Variants in HEATR5B observed in about 807,000 individuals in gnomAD.
HEATR5B encodes the protein HEAT repeat-containing protein 5B.
HEATR5B carries 156 observed loss-of-function variants against 224.1 expected under a neutral mutation model. That is an observed-to-expected ratio of 0.70 (90% CI 0.61 to 0.80). The LOEUF (loss-of-function observed/expected upper bound fraction) is 0.80. Among genes scored for constraint, HEATR5B ranks in the 30% least tolerant of loss-of-function variants. HEATR5B has a pLI of 0.00. For synonymous variants in HEATR5B, 1,027 were observed against 893.0 expected (o/e 1.15, Z -2.68); for missense variants, 2,323 against 2,535.5 (o/e 0.92, Z 1.80).
intron 24 of HEATR5B, among the ~76,000 whole-genome samples, chr2:37,021,767 G>C (rs1383299583): frequency 1.3e-5 from 2 of 151,728 alleles, no homozygotes; most frequent in Admixed American, 1.3e-4. Flanking sequence ...TGGACCTGTA[G>C]TCCCAGCTAC....
rs1004901956 is a variant in HEATR5B, at chr2:37,083,217, T to G, written c.126+72A>C. The G allele has an allele frequency of 4.5e-6, 7 of 1,545,352 alleles. No homozygotes were observed. In the South Asian group the frequency reaches 6.7e-5, roughly 15 times the overall value. The stretch of plus-strand genomic sequence containing the variant: ...CATAAACCTTCCAAAACATAACATG[T>G]GTTTTCTTAAGAATCATGACCACAT... On this transcript the variant is annotated intron_variant, in intron 2 of 35. Coordinates refer to ENST00000233099, the MANE Select transcript of HEATR5B (RefSeq NM_019024.3).
intron 33 of HEATR5B, among the ~76,000 whole-genome samples, chr2:36,995,639 T>C (rs1034140322): frequency 6.6e-6 from 1 of 152,158 alleles, no homozygotes; most frequent in East Asian, 1.9e-4. Context: ...CACCCAGTAA[T>C]AGTTTAAAAA....
At position 37,058,426 on chromosome 2, in the gene HEATR5B, C is replaced by T. The variant is rs372234636; in HGVS notation, c.2059+25G>A. ...AAGAATTGTAAAGAAAAATTTTTAT[C>T]AGATACCACAAATTTTTAATTTACC... On this transcript the variant is annotated intron_variant, in intron 14 of 35. Coordinates refer to ENST00000233099, the MANE Select transcript of HEATR5B (RefSeq NM_019024.3). 52 of 1,374,650 alleles carry T rather than the reference C, an allele frequency of 3.8e-5. No individual in the cohort carries two copies. In the African/African-American group the frequency reaches 6.3e-4, roughly 17 times the overall value. 85.2% of individuals were successfully genotyped at this position (1,374,650 alleles called of 1,614,324 possible). A position where few individuals can be genotyped will look rare whatever the true frequency, so the allele number is the denominator to read the frequency against.
rs368984392 is a variant in HEATR5B, at chr2:37,058,607, T to C, written c.1950-47A>G. The C allele has an allele frequency of 3.2e-5, 42 of 1,311,144 alleles. No individual in the cohort carries two copies. The African/African-American group carries it at 3.7e-4, about 11-fold the overall frequency. 81.2% of individuals were successfully genotyped at this position (1,311,144 alleles called of 1,614,324 possible). ...TGGTAATGGCTTACCAGAATAAGTA[T>C]TACTTATAAATTTTTTTAGCAATGT... is the stretch of plus-strand genomic sequence containing the variant. On this transcript the variant is annotated intron_variant, in intron 13 of 35. Coordinates refer to ENST00000233099, the MANE Select transcript of HEATR5B (RefSeq NM_019024.3).
chr2:37,004,179 A>T (rs1667267621), intron 30 of HEATR5B, among the ~76,000 whole-genome samples: 1 of 151,918 alleles, frequency 6.6e-6, no homozygotes, highest in Non-Finnish European at 1.5e-5. Context: ...AATGAACCTA[A>T]ATGAAATTTC....
chr2:37,074,291 C>G (rs1439407220), intron 5 of HEATR5B, among the ~76,000 whole-genome samples: 2 of 149,202 alleles, frequency 1.3e-5, no homozygotes, highest in Non-Finnish European at 3.0e-5. Context: ...CCACTGCACT[C>G]CAGCCTGGGG....
At chr2:37,056,731 T>C in intron 15 of HEATR5B, 116 bp from the exon 16 acceptor site, 1 of 839,842 alleles carries the variant, frequency 1.2e-6, no homozygotes, top group South Asian at 2.3e-5. Flanking sequence ...AAAAAAAGAA[T>C]GATTGGATCC....
chr2:37,063,902 C>T (rs942533412), intron 10 of HEATR5B, among the ~76,000 whole-genome samples: 4 of 152,174 alleles, frequency 2.6e-5, no homozygotes, highest in Non-Finnish European at 4.4e-5. Flanking sequence ...ACCTCCGCCT[C>T]CTGGGTTCAA....
At chr2:37,033,939 T>C (rs1223798817) in intron 21 of HEATR5B, among the ~76,000 whole-genome samples, 2 of 152,154 alleles carry the variant, frequency 1.3e-5, no homozygotes, top group African/African-American at 2.4e-5. Flanking sequence ...TTATGTTCCA[T>C]CTGCTGCTTT....
chr2:36,988,972 G>T, intron 34 of HEATR5B, 113 bp from the exon 35 acceptor site: 1 of 725,516 alleles, frequency 1.4e-6, no homozygotes, highest in Non-Finnish European at 2.3e-6. Flanking sequence ...GACAAAAATG[G>T]AAATTACATT....
chr2:37,076,821 C>T, intron 4 of HEATR5B, 90 bp downstream of exon 4: 1 of 939,328 alleles, frequency 1.1e-6, no homozygotes, highest in Non-Finnish European at 1.7e-6. Flanking sequence ...TATGAGACCA[C>T]AGTGACAGAA....
intron 35 of HEATR5B, among the ~76,000 whole-genome samples, chr2:36,988,436 A>G (rs1666094443): frequency 6.6e-6 from 1 of 151,926 alleles, no homozygotes; most frequent in South Asian, 2.1e-4. Context: ...TAATTTTTGT[A>G]TTATTAGTAG....
Position 37,054,190 on chromosome 2 carries a change from C to CTTTTT in HEATR5B, c.2400-584_2400-583insAAAAA, listed in dbSNP as rs1242821499. ...TCCATGGCCATCTTAGATGATTTCT[C>CTTTTT]TGTTTTTTTTTTTTTTTTTTTGAGA... is the stretch of plus-strand genomic sequence containing the variant. On this transcript the variant is annotated intron_variant, in intron 16 of 35. Coordinates refer to ENST00000233099, the MANE Select transcript of HEATR5B (RefSeq NM_019024.3). Among the ~76,000 whole-genome samples the CTTTTT allele has an allele frequency of 7.5e-5, 7 of 93,712 alleles. 1 individual carries two copies. The highest frequency in any genetic ancestry group is 1.8e-4 in the African/African-American group (4 of 21,718). 61.5% of individuals were successfully genotyped at this position (93,712 alleles called of 152,430 possible).
Position 37,061,297 on chromosome 2 carries a change from G to A in HEATR5B, c.1697-564C>T, listed in dbSNP as rs537470742. 5.9e-5 allele frequency among the ~76,000 whole-genome samples: 9 copies of A among 152,190 alleles called. No individual in the cohort carries two copies. The East Asian group carries it at 1.7e-3, about 29-fold the overall frequency. On this transcript the variant is annotated intron_variant, in intron 11 of 35. Transcript: ENST00000233099. ...CTGAACATACTTAACATAAACTTCTGGAAATGAGTTGCAACTTTTTGTTTT... is the reference window on the plus strand; with the variant it reads ...CTGAACATACTTAACATAAACTTCTAGAAATGAGTTGCAACTTTTTGTTTT...
intron 18 of HEATR5B, among the ~76,000 whole-genome samples, chr2:37,048,452 T>C (rs188434687): frequency 3.9e-5 from 6 of 152,084 alleles, no homozygotes; most frequent in African/African-American, 1.4e-4. Context: ...CCCAAAGTGC[T>C]GGGATTATAG....
chr2:37,080,101 G>C (rs1171741732), intron 2 of HEATR5B, among the ~76,000 whole-genome samples: 1 of 152,170 alleles, frequency 6.6e-6, no homozygotes, highest in East Asian at 1.9e-4. Context: ...CTTGAGGTTG[G>C]AGCATTCTTA....
chr2:37,035,109 C>A (rs1042347172), intron 21 of HEATR5B, among the ~76,000 whole-genome samples: 2 of 152,104 alleles, frequency 1.3e-5, no homozygotes, highest in East Asian at 3.9e-4. Context: ...AATTTAGTAA[C>A]AATTACAGAG....
chr2:37,049,536 C>T, intron 18 of HEATR5B, 117 bp downstream of exon 18: 1 of 885,846 alleles, frequency 1.1e-6, no homozygotes. Flanking sequence ...TTACAAAAAA[C>T]CCACAAAATA....
At chr2:36,996,064 C>CT (rs371199948) in intron 33 of HEATR5B, among the ~76,000 whole-genome samples, 21,175 of 137,364 alleles carry the variant, frequency 0.15, 1,795 homozygotes, top group Non-Finnish European at 0.17. Context: ...TAATGCAATT[C>CT]TTTTTTTTTT....
Sources: allele counts gnomAD v4.1 joint callset (sites outside exome capture counted in the v4.1 genomes callset), GRCh38; gene constraint gnomAD v4.1.1; transcripts MANE v1.5; gene names NCBI Gene and HGNC (gene_info 2026-07-23, HGNC 2026-07-21).